The following MYO5B variants were observed in gnomAD, a reference collection of about 807,000 sequenced individuals.
The protein encoded by MYO5B is myosin VB.
MYO5B carries 143 observed loss-of-function variants against 229.3 expected under a neutral mutation model. The observed-to-expected ratio is 0.62, with a 90% CI of 0.54 to 0.72. The LOEUF is 0.72. Among genes scored for constraint, MYO5B ranks in the 30% least tolerant of loss-of-function variants. The probability of loss-of-function intolerance (pLI) is 0.00; values close to 1 mark genes in which losing one functional copy is unlikely to be tolerated. For synonymous variants in MYO5B, 918 were observed against 885.2 expected (o/e 1.04, Z -0.66); for missense variants, 2,321 against 2,331.0 (o/e 1.00, Z 0.09).
intron 2 of MYO5B, among the ~76,000 whole-genome samples, chr18:50,046,201 C>T (rs936614131): frequency 2.6e-5 from 4 of 152,212 alleles, no homozygotes; most frequent in Admixed American, 1.3e-4. Context: ...GTATTCAACT[C>T]CTGGTCCATC....
intron 14 of MYO5B, among the ~76,000 whole-genome samples, chr18:49,940,831 G>A (rs1787602): frequency 0.58 from 88,865 of 152,020 alleles, 26,476 homozygotes; most frequent in Middle Eastern, 0.73. Context: ...CTGCACATAC[G>A]TACAAGGTTA....
rs755692896 is a variant in MYO5B, at chr18:49,863,214, G to A, written c.3944+13C>T. 4.5e-5 allele frequency: 73 copies of A among 1,606,882 alleles called. No individual in the cohort carries two copies. The highest frequency in any genetic ancestry group is 2.2e-4 in the South Asian group (20 of 90,876). On this transcript the variant is annotated intron_variant, in intron 29 of 39. Transcript: ENST00000285039. ...GCGGCCTCGTCCAGCACATTTGACCGCGGCGGCCTTACCTGTTTGTCTGGC... is the reference window on the plus strand; with the variant it reads ...GCGGCCTCGTCCAGCACATTTGACCACGGCGGCCTTACCTGTTTGTCTGGC...
intron 14 of MYO5B, among the ~76,000 whole-genome samples, chr18:49,944,737 C>G (rs1462839434): frequency 2.0e-5 from 3 of 152,156 alleles, no homozygotes; most frequent in Admixed American, 6.5e-5. Flanking sequence ...ATCCACCAAG[C>G]ATACAGCTAC....
At chr18:50,064,136 T>C (rs1005199137) in intron 1 of MYO5B, 3 of 152,322 alleles carry the variant, frequency 2.0e-5, no homozygotes, top group African/African-American at 7.2e-5. Flanking sequence ...CATATCAGTT[T>C]AGTACCTTCT....
At chr18:49,905,311 C>A (rs1032580915) in intron 19 of MYO5B, among the ~76,000 whole-genome samples, 1 of 152,156 alleles carries the variant, frequency 6.6e-6, no homozygotes, top group Non-Finnish European at 1.5e-5. Context: ...AGGCCCAGAC[C>A]AATCTCTGTT....
At chr18:50,079,519 C>G (rs1388453466) in intron 1 of MYO5B, among the ~76,000 whole-genome samples, 3 of 152,214 alleles carry the variant, frequency 2.0e-5, no homozygotes, top group Non-Finnish European at 4.4e-5. Flanking sequence ...ATTCTCCCCC[C>G]TTGAGGCAGA....
intron 17 of MYO5B, among the ~76,000 whole-genome samples, chr18:49,923,011 T>C (rs2025091395): frequency 2.0e-5 from 3 of 152,130 alleles, no homozygotes; most frequent in Admixed American, 6.5e-5. Flanking sequence ...CTGCTAAAAA[T>C]GAGGTTGCCT....
chr18:49,968,237 T>G (rs1213368111), intron 10 of MYO5B, among the ~76,000 whole-genome samples: 1 of 152,204 alleles, frequency 6.6e-6, no homozygotes, highest in Non-Finnish European at 1.5e-5. Flanking sequence ...AGGGTCGGGC[T>G]GCTTATTCTC....
At chr18:50,176,809 T>A (rs1628154) in intron 1 of MYO5B, among the ~76,000 whole-genome samples, 148,142 of 152,336 alleles carry the variant, frequency 0.97, 72,168 homozygotes, top group East Asian at 1. Context: ...AGGCTGCAAC[T>A]ATTTAAGCAA....
At chr18:49,925,099 C>A (rs140965651) in intron 17 of MYO5B, among the ~76,000 whole-genome samples, 462 of 152,302 alleles carry the variant, frequency 3.0e-3, no homozygotes, top group Middle Eastern at 6.8e-3. Context: ...CCTCATTATA[C>A]CCTCCTCCCT....
At chr18:49,835,234 A>G (rs1032555399) in intron 39 of MYO5B, 110 bp downstream of exon 39, 4 of 791,022 alleles carry the variant, frequency 5.1e-6, no homozygotes, top group Non-Finnish European at 8.9e-6. Context: ...CTCCCAGCAT[A>G]TATGTAACCA....
In MYO5B at chr18:49,964,329, A is replaced by C. The variant is rs149288536; in HGVS notation, c.1323-1299T>G. On this transcript the variant is annotated intron_variant, in intron 10 of 39. Transcript: ENST00000285039. Reference sequence around the variant, plus strand: ...GCCTTTACACACAGTAAAATACACCAATTTTAAGTGTATATTTTCATGCAT... The same window carrying C: ...GCCTTTACACACAGTAAAATACACCCATTTTAAGTGTATATTTTCATGCAT... Among the ~76,000 whole-genome samples the C allele has an allele frequency of 5.6e-3, 845 of 152,014 alleles. 10 individuals are homozygous for C. Among genetic ancestry groups the C allele is most frequent in the African/African-American group, 0.019 (781 of 41,532 alleles).
chr18:50,162,047 A>G (rs1599068803), intron 1 of MYO5B, among the ~76,000 whole-genome samples: 1 of 152,154 alleles, frequency 6.6e-6, no homozygotes, highest in African/African-American at 2.4e-5. Context: ...GCCAACAGCC[A>G]CTCCCTCAGT....
chr18:50,055,185 T>C (rs914700575), intron 2 of MYO5B, 83 bp downstream of exon 2: 2 of 944,074 alleles, frequency 2.1e-6, no homozygotes, highest in African/African-American at 1.6e-5. Flanking sequence ...CAGCCCACAA[T>C]GTACTATCTA....
chr18:49,860,720 A>T (rs969264117), intron 29 of MYO5B, among the ~76,000 whole-genome samples: 1 of 152,252 alleles, frequency 6.6e-6, no homozygotes, highest in African/African-American at 2.4e-5. Context: ...AAAATTCAGC[A>T]TATGAGTGTA....
At chr18:49,902,246 ACTT>A (rs1244625324) in intron 21 of MYO5B, among the ~76,000 whole-genome samples, 1 of 151,460 alleles carries the variant, frequency 6.6e-6, no homozygotes. Context: ...TTCTGTCATC[ACTT>A]CTTCTCTGAA....
intron 2 of MYO5B, among the ~76,000 whole-genome samples, chr18:50,043,337 AT>A (rs2030089815): frequency 1.2e-5 from 1 of 83,610 alleles, no homozygotes; most frequent in Non-Finnish European, 2.3e-5. Flanking sequence ...TATTTTATAT[AT>A]TTATATTATA....
rs2024762697 is a variant in MYO5B, at chr18:49,895,076, C to T, written c.2910G>A (p.Gln970=). The T allele has an allele frequency of 6.2e-7, 1 of 1,614,062 alleles. No homozygotes were observed. Among genetic ancestry groups the T allele is most frequent in the Non-Finnish European group, 8.5e-7 (1 of 1,180,048 alleles). ...GGCTGGTGTCCTCACCTGGGCTCTG[C>T]TGGTAGTGCACCAGCTCCTTCTTCA... ...ERLKKELVHY[Q]QSPGEDTSLR... is the part of the protein sequence containing the mutation. The change falls in exon 22 of 40, where the codon CAG becomes CAA. Residue 970 remains glutamine, a synonymous_variant. Coordinates refer to ENST00000285039, the MANE Select transcript of MYO5B (RefSeq NM_001080467.3).
rs192383205 is a variant in MYO5B at position 49,889,898 on chromosome 18, G to A, written c.3045+5043C>T. Among the ~76,000 whole-genome samples, 624 of 152,298 alleles carry A rather than the reference G, an allele frequency of 4.1e-3. 5 individuals carry two copies. The highest frequency in any genetic ancestry group is 0.014 in the African/African-American group (580 of 41,552). On this transcript the variant is annotated intron_variant, in intron 22 of 39. Coordinates refer to ENST00000285039, the MANE Select transcript of MYO5B (RefSeq NM_001080467.3). ...ATGTATGCCACCTACACCTCCTATTGTTTTGAGGCTTGTTGCTTCCCTCTG... is the reference window on the plus strand; with the variant it reads ...ATGTATGCCACCTACACCTCCTATTATTTTGAGGCTTGTTGCTTCCCTCTG...
Sources: allele counts gnomAD v4.1 joint callset (sites outside exome capture counted in the v4.1 genomes callset), GRCh38; gene constraint gnomAD v4.1.1; transcripts MANE v1.5; gene names NCBI Gene and HGNC (gene_info 2026-07-23, HGNC 2026-07-21).